The following ADAM22 variants were observed in gnomAD, a reference collection of about 807,000 sequenced individuals.
ADAM22 encodes the protein ADAM metallopeptidase domain 22, also known as disintegrin and metalloproteinase domain-containing protein 22.
In ADAM22, 65 loss-of-function variants were observed where a neutral mutation model predicts 144.6. The observed-to-expected ratio is 0.45, with a 90% confidence interval of 0.37 to 0.55. The LOEUF is 0.55. ADAM22 is among the 20% of genes least tolerant of loss of function. The pLI is 0.00. For missense variants in ADAM22, 974 were observed against 1,184.9 expected (o/e 0.82, Z 2.61); for synonymous variants, 391 against 412.6 (o/e 0.95, Z 0.63).
At chr7:87,959,600 G>A (rs188530536) in intron 2 of ADAM22, among the ~76,000 whole-genome samples, 23 of 152,256 alleles carry the variant, frequency 1.5e-4, no homozygotes, top group African/African-American at 4.6e-4. Context: ...AAGATGCTCC[G>A]TTTTAATAGT....
At chr7:88,178,270 A>AT (rs1365474281) in intron 26 of ADAM22, among the ~76,000 whole-genome samples, 1 of 152,044 alleles carries the variant, frequency 6.6e-6, no homozygotes, top group Non-Finnish European at 1.5e-5. Flanking sequence ...AAATTCAGTT[A>AT]TTTTTTTCAA....
At chr7:87,958,198 G>C (rs1172131129) in intron 2 of ADAM22, among the ~76,000 whole-genome samples, 1 of 152,066 alleles carries the variant, frequency 6.6e-6, no homozygotes, top group Non-Finnish European at 1.5e-5. Context: ...TTTCTATGGA[G>C]TATATATTTG....
At position 88,149,036 on chromosome 7, in the gene ADAM22, G is replaced by A. The variant is rs376590882; in HGVS notation, c.1545G>A (p.Thr515=). Residue 515 remains threonine, a synonymous_variant, in exon 18 of 32, where the codon ACG becomes ACA. Transcript: ENST00000413139. ...EAVNDCDIRE[T]CSGNSSQCAP... is the part of the protein sequence containing the mutation. ...TAAATGATTGTGATATTCGTGAAAC[G>A]TGCTCAGGAAATTCAAGCCAGGTAA... 6.2e-6 allele frequency: 10 copies of A among 1,611,990 alleles called. No homozygotes were observed. The highest frequency in any genetic ancestry group is 4.5e-5 in the East Asian group (2 of 44,768).
rs188473781 is a variant in ADAM22, at chr7:88,130,258, A to G, written c.754-130A>G. 1.3e-5 allele frequency: 9 copies of G among 694,024 alleles called. No homozygotes were observed. The African/African-American group carries it at 1.7e-4, about 13-fold the overall frequency. 43.0% of individuals were successfully genotyped at this position (694,024 alleles called of 1,614,324 possible). ...TCTGACATTGTTTTACAGACAACAC[A>G]TTTTTACAGAAAAGATTTTTTTTTT... is the stretch of plus-strand genomic sequence containing the variant. On this transcript the variant is annotated intron_variant, in intron 9 of 31. Transcript: ENST00000413139.
chr7:87,996,973 C>A (rs1217508224), intron 3 of ADAM22, among the ~76,000 whole-genome samples: 1 of 152,120 alleles, frequency 6.6e-6, no homozygotes, highest in Non-Finnish European at 1.5e-5. Context: ...TGTGGAGGTG[C>A]TCAGTGTGTT....
intron 4 of ADAM22, among the ~76,000 whole-genome samples, chr7:88,091,808 C>A (rs1819935281): frequency 6.6e-6 from 1 of 152,150 alleles, no homozygotes; most frequent in Non-Finnish European, 1.5e-5. Context: ...AGCCCTTCTA[C>A]AATTTACCAT....
In ADAM22 at chr7:87,988,601, C is replaced by G. The variant is rs897826635; in HGVS notation, c.323+10189C>G. ...TTTGCGTATTTTATTTTAAGAAAAT[C>G]TTATGACTTACTGACTTACTGATAA... On this transcript the variant is annotated intron_variant, in intron 3 of 31. Transcript: ENST00000413139. 4.6e-5 allele frequency among the ~76,000 whole-genome samples: 7 copies of G among 152,316 alleles called. No individual in the cohort carries two copies. The South Asian group carries it at 1.4e-3, about 32-fold the overall frequency.
At chr7:87,942,486 C>T (rs554209844) in intron 2 of ADAM22, among the ~76,000 whole-genome samples, 14 of 152,216 alleles carry the variant, frequency 9.2e-5, no homozygotes, top group South Asian at 6.2e-4. Flanking sequence ...GGGCCACCAA[C>T]GATTCTTTAG....
At chr7:88,040,720 G>A (rs1209499734) in intron 3 of ADAM22, among the ~76,000 whole-genome samples, 3 of 151,836 alleles carry the variant, frequency 2.0e-5, no homozygotes, top group African/African-American at 7.3e-5. Context: ...AGATGAGCTG[G>A]GTCTCTGCTT....
chr7:87,955,566 G>T (rs1238418533), intron 2 of ADAM22, among the ~76,000 whole-genome samples: 1 of 152,174 alleles, frequency 6.6e-6, no homozygotes, highest in Middle Eastern at 3.2e-3. Flanking sequence ...CTCCCAGTTA[G>T]GCTGCTCAGG....
intron 3 of ADAM22, among the ~76,000 whole-genome samples, chr7:88,023,998 C>T (rs1384562742): frequency 6.6e-6 from 1 of 152,134 alleles, no homozygotes; most frequent in Non-Finnish European, 1.5e-5. Context: ...CCAGTTTCAT[C>T]CACGTTATTG....
intron 2 of ADAM22, among the ~76,000 whole-genome samples, chr7:87,952,397 A>G (rs1272013357): frequency 1.3e-5 from 2 of 152,206 alleles, no homozygotes; most frequent in African/African-American, 4.8e-5. Flanking sequence ...CTATTGAGAT[A>G]ATCATATGGT....
chr7:88,154,607 ATCT>A (rs1256989773), intron 21 of ADAM22, among the ~76,000 whole-genome samples: 3 of 152,088 alleles, frequency 2.0e-5, no homozygotes, highest in South Asian at 2.1e-4. Flanking sequence ...TGTGTGATTT[ATCT>A]TCTTATTTAG....
intron 3 of ADAM22, among the ~76,000 whole-genome samples, chr7:88,064,583 A>T (rs185616428): frequency 1.4e-3 from 209 of 152,272 alleles, no homozygotes; most frequent in Non-Finnish European, 2.0e-3. Flanking sequence ...GTGTCTGGTA[A>T]GGGGTCATTC....
intron 5 of ADAM22, among the ~76,000 whole-genome samples, chr7:88,112,960 T>C (rs1364579707): frequency 1.3e-5 from 2 of 152,042 alleles, no homozygotes; most frequent in African/African-American, 4.8e-5. Context: ...CCTCATGTGA[T>C]TTCCCCCCGC....
intron 25 of ADAM22, 69 bp from the exon 26 acceptor site, chr7:88,171,475 C>CT: frequency 7.1e-7 from 1 of 1,413,570 alleles, no homozygotes. Flanking sequence ...TTAGAGCTCC[C>CT]TCTTGATGTC....
chr7:88,193,166 C>G lies in ADAM22; in HGVS notation c.2801C>G (p.Ser934Cys), dbSNP rs201785658. 6.2e-7 allele frequency: 1 copy of G among 1,614,102 alleles called. No homozygotes were observed. The highest frequency in any genetic ancestry group is 1.1e-5 in the South Asian group (1 of 91,074). The change falls in exon 31 of 32, where the codon TCC becomes TGC. Residue 934 changes from serine to cysteine, a missense_variant. By Grantham distance (112) the Ser-to-Cys change is moderately radical (BLOSUM62 -1). Transcript: ENST00000413139. ...TCTTCATCAACTGGGTCTATTGCCT[C>G]CAGCAGAAAATACCCTTACCCAATG... is the stretch of plus-strand genomic sequence containing the variant. ...SPSSSTGSIA[S>C]SRKYPYPMPP...
intron 2 of ADAM22, among the ~76,000 whole-genome samples, chr7:87,948,652 T>C (rs1844291418): frequency 6.6e-6 from 1 of 152,210 alleles, no homozygotes; most frequent in African/African-American, 2.4e-5. Flanking sequence ...GCTACATTGC[T>C]ACAGGATTCA....
At chr7:88,021,879 T>C (rs980938669) in intron 3 of ADAM22, among the ~76,000 whole-genome samples, 4 of 151,856 alleles carry the variant, frequency 2.6e-5, no homozygotes, top group African/African-American at 9.7e-5. Context: ...TACATTTTTT[T>C]TTTTTCTTTT....
Sources: allele counts gnomAD v4.1 joint callset (sites outside exome capture counted in the v4.1 genomes callset), GRCh38; gene constraint gnomAD v4.1.1; transcripts MANE v1.5; gene names NCBI Gene and HGNC (gene_info 2026-07-23, HGNC 2026-07-21).